Variants in ADA2 observed in about 807,000 individuals in gnomAD.
ADA2 encodes the protein adenosine deaminase CECR1.
In ADA2, 29 loss-of-function variants were observed where a neutral mutation model predicts 44.2. That is an observed-to-expected ratio of 0.66 (90% CI 0.49 to 0.89). The LOEUF is 0.89. Among genes scored for constraint, ADA2 ranks in the 40% least tolerant of loss-of-function variants. The pLI is 0.00. For missense variants in ADA2, 637 were observed against 644.8 expected (o/e 0.99, Z 0.13); for synonymous variants, 215 against 234.9 (o/e 0.92, Z 0.77).
rs376785840 is a variant in ADA2 at position 17,181,904 on chromosome 22, T to C, written c.1358A>G (p.Tyr453Cys). 1.1e-4 allele frequency: 183 copies of C among 1,614,136 alleles called. No homozygotes were observed. The highest frequency in any genetic ancestry group is 1.4e-4 in the Non-Finnish European group (168 of 1,179,992). Residue 453 changes from tyrosine (Y) to cysteine (C), a missense_variant, in exon 9 of 10, where the codon TAT becomes TGT. Tyr to Cys is a radical substitution (Grantham distance 194). Coordinates refer to ENST00000399837, the MANE Select transcript of ADA2 (RefSeq NM_001282225.2). ...PAMFGAKGLS[Y>C]DFYEVFMGIG... ...GCCCATGAAGACCTCATAGAAATCA[T>C]AGGACAAGCCTTTGGCACCAAACAT...
intron 1 of ADA2, among the ~76,000 whole-genome samples, chr22:17,217,646 C>G (rs1000696176): frequency 6.6e-6 from 1 of 151,912 alleles, no homozygotes; most frequent in Non-Finnish European, 1.5e-5. Flanking sequence ...ATAGCAAAAC[C>G]AAAATACAAA....
chr22:17,182,410 C>T (rs2061982532), intron 8 of ADA2, among the ~76,000 whole-genome samples, 194 bp downstream of exon 8: 1 of 152,216 alleles, frequency 6.6e-6, no homozygotes, highest in African/African-American at 2.4e-5. Context: ...GGGACCCTCA[C>T]TGCTGCCTCA....
chr22:17,212,956 AT>A (rs34092800), intron 1 of ADA2, among the ~76,000 whole-genome samples: 16 of 144,326 alleles, frequency 1.1e-4, no homozygotes, highest in East Asian at 8.3e-4. Context: ...CACTCAGCTA[AT>A]TTTTTTTTTT....
chr22:17,207,073 G>A lies in ADA2; in HGVS notation c.540C>T (p.Asp180=), dbSNP rs1476606615. The A allele has an allele frequency of 6.2e-7, 1 of 1,613,164 alleles. No homozygotes were observed. Among genetic ancestry groups the A allele is most frequent in the African/African-American group, 1.3e-5 (1 of 74,906 alleles). ...GTGCTTTCTGAACTACTACTCACCT[G>A]TCATCAAACTCAGTGACGTTCTGCA... is the stretch of plus-strand genomic sequence containing the variant. ...KRVQNVTEFD[D]SLLRNFTLVT... is the part of the protein sequence containing the mutation. The change falls in exon 3 of 10, where the codon GAC becomes GAT. Residue 180 remains aspartate (D), a splice_region_variant and synonymous_variant. Coordinates refer to ENST00000399837, the MANE Select transcript of ADA2 (RefSeq NM_001282225.2).
At position 17,189,960 on chromosome 22, in the gene ADA2, C is replaced by T. The variant is rs1375328003; in HGVS notation, c.954G>A (p.Val318=). Residue 318 remains valine, a synonymous_variant, in exon 6 of 10, where the codon GTG becomes GTA. Coordinates refer to ENST00000399837, the MANE Select transcript of ADA2 (RefSeq NM_001282225.2). The part of the protein sequence containing the change: ...AMGLRIKFPT[V]VAGFDLVGHE... ...GGGTTACCAGGTCAAACCCTGCCAC[C>T]ACCGTGGGGAACTTGATTCGGAGCC... 2 of 1,613,566 alleles carry T rather than the reference C, an allele frequency of 1.2e-6. No homozygotes were observed. Among genetic ancestry groups the T allele is most frequent in the African/African-American group, 1.3e-5 (1 of 74,920 alleles).
intron 1 of ADA2, among the ~76,000 whole-genome samples, chr22:17,211,944 AAATT>A (rs563709666): frequency 1.5e-4 from 23 of 152,192 alleles, no homozygotes; most frequent in African/African-American, 2.6e-4. Flanking sequence ...GAGGAAAAAA[AAATT>A]AATTAATTAA....
At chr22:17,203,806 G>A (rs772813662) in intron 3 of ADA2, 33 bp from the exon 4 acceptor site, 20 of 1,496,556 alleles carry the variant, frequency 1.3e-5, no homozygotes, top group Middle Eastern at 1.8e-4. Flanking sequence ...AGTGGCAGAG[G>A]CATGATCCAG....
chr22:17,199,449 A>AC, intron 4 of ADA2: 3 of 350,712 alleles, frequency 8.6e-6, no homozygotes, highest in East Asian at 5.7e-5. Flanking sequence ...CTTCCCCTCC[A>AC]CCCACGAAGA....
intron 4 of ADA2, among the ~76,000 whole-genome samples, chr22:17,197,813 C>T (rs893242863): frequency 3.3e-5 from 5 of 152,110 alleles, no homozygotes; most frequent in Admixed American, 1.3e-4. Flanking sequence ...CCAAGGCGGG[C>T]GGATCACCTG....
In ADA2 at chr22:17,188,275, C is replaced by G. The variant is rs971794431; in HGVS notation, c.1081+64G>C. 15 of 1,194,338 alleles carry G rather than the reference C, an allele frequency of 1.3e-5. No individual in the cohort carries two copies. In the African/African-American group the frequency reaches 2.2e-4, roughly 18 times the overall value. The allele number at this position is 1,194,338 out of a possible 1,614,324, so 74.0% of individuals were successfully genotyped here. A position where few individuals can be genotyped will look rare whatever the true frequency, so the allele number is the denominator to read the frequency against. Reference sequence around the variant, plus strand: ...GTAGGCTCTAACCCTGAGGCATGGGCCTGTGGCCAGGAGCTCTCCCATTGA... The same window carrying G: ...GTAGGCTCTAACCCTGAGGCATGGGGCTGTGGCCAGGAGCTCTCCCATTGA... On this transcript the variant is annotated intron_variant, in intron 7 of 9. Coordinates refer to ENST00000399837, the MANE Select transcript of ADA2 (RefSeq NM_001282225.2).
At chr22:17,196,324 A>C (rs945011691) in intron 4 of ADA2, among the ~76,000 whole-genome samples, 17 of 73,194 alleles carry the variant, frequency 2.3e-4, no homozygotes, top group South Asian at 1.7e-3. Context: ...ACTCCATCCC[A>C]AAAAAAAAAA....
intron 1 of ADA2, chr22:17,209,935 G>T (rs2062400655): frequency 2.3e-6 from 1 of 442,926 alleles, no homozygotes; most frequent in Non-Finnish European, 4.0e-6. Flanking sequence ...CTGCTGCCCA[G>T]GCTGGAGCAC....
At chr22:17,212,879 G>A (rs553630379) in intron 1 of ADA2, among the ~76,000 whole-genome samples, 4 of 151,164 alleles carry the variant, frequency 2.6e-5, no homozygotes, top group South Asian at 2.1e-4. Context: ...TCGCTGCAGC[G>A]GCAACCTCCC....
At chr22:17,201,470 CA>C (rs2062286799) in intron 4 of ADA2, among the ~76,000 whole-genome samples, 1 of 152,170 alleles carries the variant, frequency 6.6e-6, no homozygotes, top group Non-Finnish European at 1.5e-5. Context: ...GCTTAACTGT[CA>C]GTCCCCAAGG....
rs796662081 is a variant in ADA2 at position 17,208,838 on chromosome 22, A to ATTTTTTTTTTTTTTTT, written c.322+517_322+518insAAAAAAAAAAAAAAAA. Among the ~76,000 whole-genome samples the ATTTTTTTTTTTTTTTT allele has an allele frequency of 8.4e-5, 12 of 142,994 alleles. 1 individual carries two copies. Among genetic ancestry groups the ATTTTTTTTTTTTTTTT allele is most frequent in the African/African-American group, 1.8e-4 (7 of 37,888 alleles). The allele number at this position is 142,994 out of a possible 152,430, so 93.8% of individuals were successfully genotyped here. A position where few individuals can be genotyped will look rare whatever the true frequency, so the allele number is the denominator to read the frequency against. Reference sequence around the variant, plus strand: ...TTTTTTAATAAAAAAAAAAATTAACATTTTTTGGGGAACAGGGTCTTGCTC... The same window carrying ATTTTTTTTTTTTTTTT: ...TTTTTTAATAAAAAAAAAAATTAACATTTTTTTTTTTTTTTTTTTTTTGGGGAACAGGGTCTTGCTC... On this transcript the variant is annotated intron_variant, in intron 2 of 9. Coordinates refer to ENST00000399837, the MANE Select transcript of ADA2 (RefSeq NM_001282225.2).
chr22:17,197,933 GA>G (rs1568979702), intron 4 of ADA2, among the ~76,000 whole-genome samples: 1 of 152,002 alleles, frequency 6.6e-6, no homozygotes, highest in African/African-American at 2.4e-5. Flanking sequence ...AGCTACTCGG[GA>G]GGCTGAGGCA....
chr22:17,209,858 C>A, intron 1 of ADA2, 135 bp from the exon 2 acceptor site: 1 of 607,808 alleles, frequency 1.6e-6, no homozygotes, highest in Non-Finnish European at 2.9e-6. Context: ...AGAGAAAAGA[C>A]CTACAGGTAC....
intron 7 of ADA2, among the ~76,000 whole-genome samples, chr22:17,187,712 C>G (rs1190073533): frequency 6.6e-6 from 1 of 151,426 alleles, no homozygotes; most frequent in Non-Finnish European, 1.5e-5. Flanking sequence ...AATTCAGACT[C>G]CACTGCGCAC....
At chr22:17,198,454 G>A (rs547209411) in intron 4 of ADA2, 21 of 152,160 alleles carry the variant, frequency 1.4e-4, no homozygotes, top group Non-Finnish European at 2.9e-4. Context: ...GCGTGTTCTC[G>A]TAAAGCGACA....
Sources: gnomAD v4.1 joint callset for allele counts (sites outside exome capture counted in the v4.1 genomes callset) on GRCh38, gnomAD v4.1.1 for gene constraint, MANE v1.5 for transcripts, NCBI Gene and HGNC (gene_info 2026-07-23, HGNC 2026-07-21) for gene names.